KDM4C: variants seen among roughly 807,000 people sequenced by gnomAD.
KDM4C encodes lysine-specific demethylase 4C.
KDM4C carries 81 observed loss-of-function variants against 129.3 expected under a neutral mutation model. The observed-to-expected ratio is 0.63, with a 90% confidence interval of 0.52 to 0.75. KDM4C has a LOEUF of 0.75. KDM4C is among the 30% of genes least tolerant of loss of function. The probability of loss-of-function intolerance (pLI) is 0.00; values close to 1 mark genes in which losing one functional copy is unlikely to be tolerated. For synonymous variants in KDM4C, 573 were observed against 456.1 expected, an observed-to-expected ratio of 1.26 and a Z score of -3.26; for missense variants, 1,457 against 1,304.0, an observed-to-expected ratio of 1.12 and a Z score of -1.81.
intron 8 of KDM4C, among the ~76,000 whole-genome samples, chr9:6,964,953 G>GA (rs1830689652): frequency 6.6e-6 from 1 of 151,560 alleles, no homozygotes. Flanking sequence ...GACTTCGTCG[G>GA]GAAAAAAAAA....
intron 8 of KDM4C, chr9:6,942,754 A>G (rs888307761): frequency 6.6e-6 from 1 of 152,118 alleles, no homozygotes; most frequent in Non-Finnish European, 1.5e-5. Context: ...TTCCTTTGAC[A>G]GTTTTACCTT....
chr9:7,160,429 A>C (rs1356182517), intron 19 of KDM4C, among the ~76,000 whole-genome samples: 2 of 152,172 alleles, frequency 1.3e-5, no homozygotes, highest in Admixed American at 1.3e-4. Flanking sequence ...TAGAATTTTC[A>C]GCTTTTCTGC....
intron 8 of KDM4C, among the ~76,000 whole-genome samples, chr9:6,964,138 G>A (rs1037119201): frequency 6.6e-5 from 10 of 151,872 alleles, no homozygotes; most frequent in African/African-American, 1.5e-4. Flanking sequence ...TGTGCACAAC[G>A]TGCAGGTTTG....
chr9:6,836,247 T>C (rs1378263713), intron 4 of KDM4C, among the ~76,000 whole-genome samples: 1 of 151,200 alleles, frequency 6.6e-6, no homozygotes, highest in Non-Finnish European at 1.5e-5. Flanking sequence ...AGGTCAGGAG[T>C]TCAAGACCAG....
At chr9:6,926,947 TTTATC>T (rs767012692) in intron 8 of KDM4C, among the ~76,000 whole-genome samples, 1 of 152,232 alleles carries the variant, frequency 6.6e-6, no homozygotes, top group African/African-American at 2.4e-5. Context: ...TACATGTTCA[TTTATC>T]TTAATTATTA....
intron 1 of KDM4C, among the ~76,000 whole-genome samples, chr9:6,761,226 C>T (rs1303646456): frequency 6.6e-6 from 1 of 152,020 alleles, no homozygotes; most frequent in South Asian, 2.1e-4. Flanking sequence ...TCAGGCTGGT[C>T]TCGAACTCCT....
intron 19 of KDM4C, among the ~76,000 whole-genome samples, chr9:7,139,346 T>G (rs554729616): frequency 1.3e-5 from 2 of 152,326 alleles, no homozygotes; most frequent in East Asian, 3.9e-4. Context: ...TCTTTTCCCC[T>G]GAGTAACAGA....
At chr9:6,870,027 C>G (rs904941872) in intron 5 of KDM4C, among the ~76,000 whole-genome samples, 6 of 152,152 alleles carry the variant, frequency 3.9e-5, no homozygotes, top group African/African-American at 1.4e-4. Context: ...GTGGTTCAAT[C>G]TTTTTGACAA....
At chr9:6,746,990 C>A (rs1308798018) in intron 1 of KDM4C, among the ~76,000 whole-genome samples, 1 of 111,370 alleles carries the variant, frequency 9.0e-6, no homozygotes, top group African/African-American at 3.6e-5. Context: ...GGCCACAGAG[C>A]TAGACTCCGT....
intron 15 of KDM4C, among the ~76,000 whole-genome samples, chr9:7,041,097 C>T (rs1316868597): frequency 6.6e-6 from 1 of 151,592 alleles, no homozygotes; most frequent in African/African-American, 2.4e-5. Context: ...TACATATGGC[C>T]CTCTGTATCC....
At chr9:6,947,896 T>C (rs1827263595) in intron 8 of KDM4C, 1 of 152,162 alleles carries the variant, frequency 6.6e-6, no homozygotes, top group African/African-American at 2.4e-5. Flanking sequence ...CTGTACACTT[T>C]TATAACCATT....
chr9:6,934,536 T>C (rs1423179753), intron 8 of KDM4C, among the ~76,000 whole-genome samples: 2 of 135,054 alleles, frequency 1.5e-5, no homozygotes, highest in Admixed American at 7.2e-5. Context: ...ATATCCTCTC[T>C]CTTTTTTTTT....
intron 19 of KDM4C, among the ~76,000 whole-genome samples, chr9:7,132,581 T>C (rs1174779457): frequency 6.6e-6 from 1 of 152,218 alleles, no homozygotes; most frequent in Non-Finnish European, 1.5e-5. Flanking sequence ...GGTGTATTAT[T>C]ACACACCTCC....
At chr9:6,778,318 G>C (rs1239315159) in intron 1 of KDM4C, among the ~76,000 whole-genome samples, 1 of 151,158 alleles carries the variant, frequency 6.6e-6, no homozygotes, top group East Asian at 2.0e-4. Flanking sequence ...TTGAACTCCT[G>C]ACCTTAGGTG....
At chr9:6,921,208 A>G (rs1011964324) in intron 8 of KDM4C, among the ~76,000 whole-genome samples, 1 of 152,100 alleles carries the variant, frequency 6.6e-6, no homozygotes, top group African/African-American at 2.4e-5. Context: ...CAGTCTTGCA[A>G]CTTTAAATAT....
At chr9:7,138,932 G>C (rs540267758) in intron 19 of KDM4C, among the ~76,000 whole-genome samples, 2 of 152,244 alleles carry the variant, frequency 1.3e-5, no homozygotes, top group African/African-American at 4.8e-5. Flanking sequence ...ATATTTGTAG[G>C]TTATGTTTTT....
intron 5 of KDM4C, among the ~76,000 whole-genome samples, chr9:6,853,838 T>A (rs1489394017): frequency 2.6e-5 from 4 of 152,216 alleles, no homozygotes; most frequent in Non-Finnish European, 5.9e-5. Flanking sequence ...TTACTGGGAA[T>A]GACTTAGGGC....
At chr9:6,956,914 C>T (rs989794463) in intron 8 of KDM4C, among the ~76,000 whole-genome samples, 1 of 152,146 alleles carries the variant, frequency 6.6e-6, no homozygotes, top group African/African-American at 2.4e-5. Flanking sequence ...GGTACTGAAG[C>T]CTTCTCTGCC....
chr9:7,094,032 C>A (rs1189664682), intron 17 of KDM4C, among the ~76,000 whole-genome samples: 1 of 152,210 alleles, frequency 6.6e-6, no homozygotes, highest in Non-Finnish European at 1.5e-5. Context: ...AAACCTCTTA[C>A]GTATGCTATC....
Sources: gnomAD v4.1 joint callset for allele counts (sites outside exome capture counted in the v4.1 genomes callset) on GRCh38, gnomAD v4.1.1 for gene constraint, MANE v1.5 for transcripts, NCBI Gene and HGNC (gene_info 2026-07-23, HGNC 2026-07-21) for gene names.